MLLT10: variants seen among roughly 807,000 people sequenced by gnomAD.
MLLT10 encodes the protein MLLT10 histone lysine methyltransferase DOT1L cofactor, also known as protein AF-10.
Under a neutral mutation model 129.1 loss-of-function variants are expected in MLLT10, and 30 were observed. That is an observed-to-expected ratio of 0.23 (90% CI 0.17 to 0.32). The LOEUF is 0.32. Among genes scored for constraint, MLLT10 ranks in the 10% least tolerant of loss-of-function variants. MLLT10 has a pLI of 1.00. For synonymous variants in MLLT10, 490 were observed against 446.4 expected (o/e 1.10, Z -1.23); for missense variants, 1,119 against 1,268.3 (o/e 0.88, Z 1.79).
intron 5 of MLLT10, among the ~76,000 whole-genome samples, chr10:21,599,472 C>T (rs1278918065): frequency 2.6e-5 from 4 of 152,140 alleles, no homozygotes; most frequent in Non-Finnish European, 5.9e-5. Context: ...GTAACTTCTC[C>T]AAATCTAGCC....
intron 10 of MLLT10, among the ~76,000 whole-genome samples, chr10:21,672,107 G>T (rs533019404): frequency 6.6e-6 from 1 of 151,652 alleles, no homozygotes; most frequent in South Asian, 2.1e-4. Context: ...GATTAATAAT[G>T]CATTTGTTAT....
At chr10:21,571,447 T>TC (rs1310225202) in intron 3 of MLLT10, among the ~76,000 whole-genome samples, 1 of 152,218 alleles carries the variant, frequency 6.6e-6, no homozygotes, top group Non-Finnish European at 1.5e-5. Flanking sequence ...GGGTTCCTCC[T>TC]CCCTGTTCCA....
chr10:21,562,873 G>A (rs1228707459), intron 3 of MLLT10, among the ~76,000 whole-genome samples: 1 of 129,762 alleles, frequency 7.7e-6, no homozygotes, highest in Non-Finnish European at 1.6e-5. Context: ...AGGCTGGAGT[G>A]CAATGGCACG....
chr10:21,615,459 A>G lies in MLLT10; in HGVS notation c.603+535A>G, dbSNP rs563153361. On this transcript the variant is annotated intron_variant, in intron 7 of 22. Transcript: ENST00000307729. ...GAAACAAGAGTGAGACTCCGTCTCAAAAAAAAAAAAAAAAAGAAAAAAAAA... is the reference window on the plus strand; with the variant it reads ...GAAACAAGAGTGAGACTCCGTCTCAGAAAAAAAAAAAAAAAGAAAAAAAAA... 1.7e-3 allele frequency among the ~76,000 whole-genome samples: 204 copies of G among 119,780 alleles called. 4 individuals are homozygous for G. The South Asian group carries it at 0.051, about 30-fold the overall frequency. 78.6% of individuals were successfully genotyped at this position (119,780 alleles called of 152,430 possible).
At position 21,740,046 on chromosome 10, in the gene MLLT10, T is replaced by C; in HGVS notation, c.2972T>C (p.Phe991Ser). Reference protein sequence around the residue: ...QQLTPEQHQAFLYQLMQHHHQ... With the variant: ...QQLTPEQHQASLYQLMQHHHQ... ...TTGCCTAAGGAACAACATCAAGCCT[T>C]TTTGTATCAGTTAATGCAACATCAC... Residue 991 changes from phenylalanine (F) to serine (S), a missense_variant, in exon 22 of 23, where the codon TTT becomes TCT. Phe to Ser is a radical substitution (Grantham distance 155). Transcript: ENST00000307729. The C allele has an allele frequency of 6.2e-7, 1 of 1,609,482 alleles. No homozygotes were observed. Among genetic ancestry groups the C allele is most frequent in the Non-Finnish European group, 8.5e-7 (1 of 1,177,564 alleles).
chr10:21,543,240 T>G (rs1390123869), intron 3 of MLLT10, among the ~76,000 whole-genome samples: 7 of 151,582 alleles, frequency 4.6e-5, no homozygotes, highest in Non-Finnish European at 8.8e-5. Flanking sequence ...CCTGCCTCAG[T>G]CTCCCCAGTA....
chr10:21,711,357 G>A (rs1329894623), intron 13 of MLLT10, among the ~76,000 whole-genome samples: 1 of 151,962 alleles, frequency 6.6e-6, no homozygotes, highest in Non-Finnish European at 1.5e-5. Context: ...CGCGGGTAGA[G>A]GTTACAGCGA....
chr10:21,658,773 C>G (rs1034303845), intron 9 of MLLT10, among the ~76,000 whole-genome samples: 1 of 152,122 alleles, frequency 6.6e-6, no homozygotes, highest in African/African-American at 2.4e-5. Context: ...AATGCATTCT[C>G]CTGCCTCAGC....
intron 21 of MLLT10, chr10:21,738,359 T>G (rs2058552038): frequency 7.9e-7 from 1 of 1,258,394 alleles, no homozygotes; most frequent in Admixed American, 2.4e-5. Context: ...AAAACTCCAT[T>G]TATTTGGGTG....
At chr10:21,576,466 T>G (rs1045108410) in intron 3 of MLLT10, among the ~76,000 whole-genome samples, 6 of 151,040 alleles carry the variant, frequency 4.0e-5, no homozygotes, top group Admixed American at 4.0e-4. Flanking sequence ...GGTCTCGATC[T>G]CCTACCTTGT....
intron 8 of MLLT10, among the ~76,000 whole-genome samples, chr10:21,637,277 C>T (rs183084299): frequency 6.6e-6 from 1 of 152,270 alleles, no homozygotes; most frequent in Admixed American, 6.5e-5. Flanking sequence ...TTTTGGGCTA[C>T]TCTCATAGGA....
chr10:21,626,057 G>T (rs964903806), intron 8 of MLLT10: 2 of 1,450,970 alleles, frequency 1.4e-6, no homozygotes, highest in East Asian at 4.5e-5. Context: ...CTCAAGCAAG[G>T]CCTTGATCTT....
chr10:21,587,755 A>G (rs2042125615), intron 4 of MLLT10, among the ~76,000 whole-genome samples: 2 of 152,176 alleles, frequency 1.3e-5, no homozygotes, highest in Non-Finnish European at 2.9e-5. Flanking sequence ...TTTTGGCTAG[A>G]TATATATATT....
intron 3 of MLLT10, among the ~76,000 whole-genome samples, chr10:21,552,687 C>G (rs182036640): frequency 6.6e-6 from 1 of 152,114 alleles, no homozygotes; most frequent in Non-Finnish European, 1.5e-5. Context: ...CCACCATGCC[C>G]GGCCTCTCTC....
At chr10:21,556,924 C>G in intron 3 of MLLT10, 2 of 1,549,970 alleles carry the variant, frequency 1.3e-6, no homozygotes, top group Non-Finnish European at 8.7e-7. Context: ...TTTGGCGTTT[C>G]AAGAAGGAGA....
At chr10:21,535,067 G>C (rs954061152) in intron 2 of MLLT10, among the ~76,000 whole-genome samples, 9 of 148,442 alleles carry the variant, frequency 6.1e-5, no homozygotes, top group African/African-American at 2.2e-4. Context: ...CTGCTGACTC[G>C]GCGGGGCGGG....
intron 9 of MLLT10, among the ~76,000 whole-genome samples, chr10:21,653,232 T>C (rs2049227181): frequency 1.3e-5 from 2 of 152,326 alleles, no homozygotes; most frequent in South Asian, 4.1e-4. Context: ...GTCTGGGTTC[T>C]TATCTGAAAG....
At chr10:21,667,859 G>A (rs2050982464) in intron 9 of MLLT10, among the ~76,000 whole-genome samples, 1 of 151,926 alleles carries the variant, frequency 6.6e-6, no homozygotes, top group South Asian at 2.1e-4. Context: ...AATAATTTTT[G>A]TTTCCACTTA....
At chr10:21,678,351 C>T (rs1342533239) in intron 11 of MLLT10, among the ~76,000 whole-genome samples, 3 of 152,286 alleles carry the variant, frequency 2.0e-5, no homozygotes, top group African/African-American at 4.8e-5. Flanking sequence ...GATCCACCTG[C>T]CTCAGCCTCG....
Sources: gnomAD v4.1 joint callset for allele counts (sites outside exome capture counted in the v4.1 genomes callset) on GRCh38, gnomAD v4.1.1 for gene constraint, MANE v1.5 for transcripts, NCBI Gene and HGNC (gene_info 2026-07-23, HGNC 2026-07-21) for gene names.